The following RUNX1 variants were observed in gnomAD, a reference collection of about 807,000 sequenced individuals.
RUNX1 encodes runt-related transcription factor 1.
RUNX1 carries 19 observed loss-of-function variants against 42.8 expected under a neutral mutation model. That is an observed-to-expected ratio of 0.44 (90% CI 0.31 to 0.65). RUNX1 has a LOEUF of 0.65. RUNX1 is among the 30% of genes least tolerant of loss of function. The pLI is 0.07. For missense variants in RUNX1, 528 were observed against 672.0 expected (o/e 0.79, Z 2.37); for synonymous variants, 271 against 289.4 (o/e 0.94, Z 0.64).
chr21:34,816,183 A>G (rs535606972), intron 7 of RUNX1, among the ~76,000 whole-genome samples: 6 of 152,324 alleles, frequency 3.9e-5, no homozygotes, highest in African/African-American at 1.2e-4. Flanking sequence ...TTAACTTAAA[A>G]CCTAAAACAA....
chr21:34,882,200 G>A (rs1205376099), intron 4 of RUNX1, among the ~76,000 whole-genome samples: 6 of 152,004 alleles, frequency 3.9e-5, no homozygotes, highest in East Asian at 1.9e-4. Flanking sequence ...GTATGATATC[G>A]AAGTCATGTT....
intron 2 of RUNX1, among the ~76,000 whole-genome samples, chr21:35,002,220 C>T (rs550088714): frequency 5.9e-5 from 9 of 151,908 alleles, no homozygotes; most frequent in African/African-American, 1.7e-4. Flanking sequence ...CTGAGTCAGA[C>T]ATTAGCATGG....
chr21:34,884,610 G>A (rs529052811), intron 4 of RUNX1, among the ~76,000 whole-genome samples: 5 of 152,294 alleles, frequency 3.3e-5, no homozygotes, highest in African/African-American at 1.2e-4. Flanking sequence ...ATGTAGGCAG[G>A]TTTTGATGTT....
chr21:34,972,699 A>G (rs2058771474), intron 2 of RUNX1, among the ~76,000 whole-genome samples: 1 of 152,224 alleles, frequency 6.6e-6, no homozygotes, highest in South Asian at 2.1e-4. Flanking sequence ...TACTTAAATG[A>G]CCAAGTGGTT....
Position 34,930,268 on chromosome 21 carries a change from A to ATGTGTGTGTG in RUNX1, c.59-37306_59-37305insCACACACACA, listed in dbSNP as rs141115974. 7.8e-3 allele frequency among the ~76,000 whole-genome samples: 949 copies of ATGTGTGTGTG among 121,040 alleles called. 59 individuals carry two copies. Among genetic ancestry groups the ATGTGTGTGTG allele is most frequent in the African/African-American group, 0.036 (902 of 25,030 alleles). The allele number at this position is 121,040 out of a possible 152,430, so 79.4% of individuals were successfully genotyped here. ...ATATGTATATTATACGTGTGTGTGT[A>ATGTGTGTGTG]TGTATATATATATATATATATATAA... On this transcript the variant is annotated intron_variant, in intron 2 of 8. Transcript: ENST00000675419.
At chr21:34,977,925 A>ATTTTT (rs140996531) in intron 2 of RUNX1, among the ~76,000 whole-genome samples, 1 of 145,034 alleles carries the variant, frequency 6.9e-6, no homozygotes, top group Non-Finnish European at 1.5e-5. Flanking sequence ...AGTAAACAGC[A>ATTTTT]TTTTTTTTTT....
chr21:35,012,806 T>C (rs2059135090), intron 2 of RUNX1, among the ~76,000 whole-genome samples: 1 of 152,098 alleles, frequency 6.6e-6, no homozygotes, highest in South Asian at 2.1e-4. Flanking sequence ...TGAAAACCCT[T>C]TAGATACTCT....
At chr21:34,930,270 GTA>G (rs1555906427) in intron 2 of RUNX1, among the ~76,000 whole-genome samples, 1,767 of 122,946 alleles carry the variant, frequency 0.014, 23 homozygotes, top group Middle Eastern at 0.029. Flanking sequence ...GTGTGTGTAT[GTA>G]TATATATATA....
At chr21:34,878,169 CAAAA>C (rs67348360) in intron 5 of RUNX1, among the ~76,000 whole-genome samples, 1 of 111,634 alleles carries the variant, frequency 9.0e-6, no homozygotes, top group Non-Finnish European at 2.0e-5. Context: ...AAGCAAATTG[CAAAA>C]AAAAAAAAAA....
chr21:35,016,070 C>G (rs2059157211), intron 2 of RUNX1, among the ~76,000 whole-genome samples: 1 of 152,192 alleles, frequency 6.6e-6, no homozygotes, highest in Admixed American at 6.5e-5. Flanking sequence ...CTAATAACAG[C>G]TTTGGAAAAC....
intron 2 of RUNX1, among the ~76,000 whole-genome samples, chr21:34,933,102 C>A (rs2058460078): frequency 6.6e-6 from 1 of 152,098 alleles, no homozygotes; most frequent in African/African-American, 2.4e-5. Context: ...TGTGTTCACC[C>A]AAAGCTGTTG....
chr21:34,995,598 G>A (rs1248483575), intron 2 of RUNX1, among the ~76,000 whole-genome samples: 4 of 152,010 alleles, frequency 2.6e-5, no homozygotes, highest in Non-Finnish European at 5.9e-5. Flanking sequence ...GCGCTACCAT[G>A]CTCAGCTAAT....
intron 2 of RUNX1, among the ~76,000 whole-genome samples, chr21:35,046,065 T>C (rs570513204): frequency 6.6e-6 from 1 of 152,338 alleles, no homozygotes; most frequent in South Asian, 2.1e-4. Flanking sequence ...CACACTGCAC[T>C]TTTCAAGGGA....
chr21:34,849,287 T>C (rs1196865739), intron 6 of RUNX1, among the ~76,000 whole-genome samples: 2 of 60,812 alleles, frequency 3.3e-5, no homozygotes, highest in African/African-American at 1.3e-4. Flanking sequence ...ATAATATATA[T>C]TATATATAAA....
intron 6 of RUNX1, among the ~76,000 whole-genome samples, chr21:34,842,258 C>T (rs905262604): frequency 2.0e-5 from 3 of 151,906 alleles, no homozygotes; most frequent in East Asian, 1.9e-4. Context: ...TCTGGGAGGC[C>T]GACACAGGCG....
intron 2 of RUNX1, chr21:35,038,364 C>G: frequency 2.9e-6 from 1 of 347,166 alleles, no homozygotes. Flanking sequence ...AACACGATTC[C>G]TCCTGGAGCT....
chr21:34,915,067 T>A (rs1173238788), intron 2 of RUNX1, among the ~76,000 whole-genome samples: 1 of 152,204 alleles, frequency 6.6e-6, no homozygotes, highest in Non-Finnish European at 1.5e-5. Context: ...TACAGCACCG[T>A]TATGAGGACT....
At chr21:34,861,300 T>C (rs935187585) in intron 5 of RUNX1, among the ~76,000 whole-genome samples, 1 of 152,102 alleles carries the variant, frequency 6.6e-6, no homozygotes, top group Non-Finnish European at 1.5e-5. Flanking sequence ...GTATGTGATG[T>C]GATGTGGAGG....
intron 2 of RUNX1, 136 bp from the exon 3 acceptor site, chr21:34,893,099 ATGACT>A: frequency 6.1e-6 from 4 of 658,782 alleles, no homozygotes; most frequent in Middle Eastern, 3.0e-4. Flanking sequence ...TGACACAAAA[ATGACT>A]TGAAATAGTA....
Sources: gnomAD v4.1 joint callset for allele counts (sites outside exome capture counted in the v4.1 genomes callset) on GRCh38, gnomAD v4.1.1 for gene constraint, MANE v1.5 for transcripts, NCBI Gene and HGNC (gene_info 2026-07-23, HGNC 2026-07-21) for gene names.